Variants in CA10 observed in about 807,000 individuals in gnomAD.
CA10 encodes the protein carbonic anhydrase-related protein 10.
CA10 carries 14 observed loss-of-function variants against 44.2 expected under a neutral mutation model. The ratio of observed to expected loss-of-function variants is 0.32; its 90% confidence interval spans 0.21 to 0.50. CA10 has a LOEUF of 0.50. Among genes scored for constraint, CA10 ranks in the 20% least tolerant of loss-of-function variants. CA10 has a pLI of 0.99. For missense variants in CA10, 350 were observed against 409.7 expected (o/e 0.85, Z 1.26); for synonymous variants, 159 against 141.6 (o/e 1.12, Z -0.87).
At chr17:52,086,801 G>A (rs1431391369) in intron 1 of CA10, among the ~76,000 whole-genome samples, 2 of 151,880 alleles carry the variant, frequency 1.3e-5, no homozygotes, top group African/African-American at 2.4e-5. Flanking sequence ...TATAAAATGG[G>A]GTCTCAAAGA....
chr17:52,048,569 A>G (rs1430170974), intron 2 of CA10, among the ~76,000 whole-genome samples: 3 of 152,024 alleles, frequency 2.0e-5, no homozygotes, highest in African/African-American at 4.8e-5. Flanking sequence ...AACATCAAGG[A>G]GCCATGAAAG....
Position 51,731,302 on chromosome 17 carries a change from G to C in CA10, c.465+16331C>G, listed in dbSNP as rs1332643758. ...TGAGGCAGGAGAATCACTTGAACCCGGGAGGTGGAGGTTGCAGTGAGCCGA... is the reference window on the plus strand; with the variant it reads ...TGAGGCAGGAGAATCACTTGAACCCCGGAGGTGGAGGTTGCAGTGAGCCGA... On this transcript the variant is annotated intron_variant, in intron 4 of 8. Transcript: ENST00000451037. 6.6e-5 allele frequency among the ~76,000 whole-genome samples: 10 copies of C among 152,160 alleles called. No individual in the cohort carries two copies. In the East Asian group the frequency reaches 1.9e-3, roughly 29 times the overall value.
chr17:51,689,390 T>G (rs1368073286), intron 4 of CA10, among the ~76,000 whole-genome samples: 1 of 152,194 alleles, frequency 6.6e-6, no homozygotes, highest in Non-Finnish European at 1.5e-5. Flanking sequence ...AGGGCCATTC[T>G]TTTTTCATGG....
chr17:51,954,292 T>C (rs1983586817), intron 2 of CA10, among the ~76,000 whole-genome samples: 1 of 152,156 alleles, frequency 6.6e-6, no homozygotes, highest in South Asian at 2.1e-4. Context: ...AAACTAAACA[T>C]TAAAAAAGTT....
intron 4 of CA10, among the ~76,000 whole-genome samples, chr17:51,722,504 G>A (rs1424552891): frequency 6.6e-6 from 1 of 152,226 alleles, no homozygotes; most frequent in Non-Finnish European, 1.5e-5. Flanking sequence ...AAATGAGAAA[G>A]AGGGATATAT....
At chr17:51,782,152 C>G (rs1418822854) in intron 3 of CA10, among the ~76,000 whole-genome samples, 1 of 152,178 alleles carries the variant, frequency 6.6e-6, no homozygotes, top group Non-Finnish European at 1.5e-5. Context: ...TACTCAGAGA[C>G]TTAATTTGAA....
In CA10 at chr17:52,081,616, C is replaced by T. The variant is rs558693501; in HGVS notation, c.62-9223G>A. Reference sequence around the variant, plus strand: ...GAGATCGAGACCATCCCGGCTAAAACGGTGAAACCCCGTCTCTACTAAAAA... The same window carrying T: ...GAGATCGAGACCATCCCGGCTAAAATGGTGAAACCCCGTCTCTACTAAAAA... On this transcript the variant is annotated intron_variant, in intron 1 of 8. Coordinates refer to ENST00000451037, the MANE Select transcript of CA10 (RefSeq NM_020178.5). 6.9e-4 allele frequency among the ~76,000 whole-genome samples: 104 copies of T among 151,812 alleles called. No homozygotes were observed. In the Middle Eastern group the frequency reaches 0.017, roughly 25 times the overall value.
At chr17:52,139,426 C>G (rs1459320171) in intron 1 of CA10, among the ~76,000 whole-genome samples, 3 of 150,412 alleles carry the variant, frequency 2.0e-5, no homozygotes, top group Non-Finnish European at 4.4e-5. Context: ...ATGGCTCTTA[C>G]TTTATCCATC....
chr17:51,971,122 C>A (rs904034061), intron 2 of CA10, among the ~76,000 whole-genome samples: 46 of 152,034 alleles, frequency 3.0e-4, no homozygotes, highest in African/African-American at 1.1e-3. Context: ...AGCTAAAGAT[C>A]TACAGCTGTT....
At chr17:52,156,995 C>T (rs1989816841) in intron 1 of CA10, among the ~76,000 whole-genome samples, 1 of 152,174 alleles carries the variant, frequency 6.6e-6, no homozygotes, top group Non-Finnish European at 1.5e-5. Context: ...ACAAGCCCAA[C>T]CTCTTTCACC....
At chr17:51,988,679 G>C (rs554528611) in intron 2 of CA10, among the ~76,000 whole-genome samples, 72 of 151,864 alleles carry the variant, frequency 4.7e-4, no homozygotes, top group Middle Eastern at 6.8e-3. Context: ...CTTTCTACTA[G>C]TGTCAGGTTC....
chr17:51,644,159 T>C (rs1913221274), intron 6 of CA10, among the ~76,000 whole-genome samples: 1 of 130,320 alleles, frequency 7.7e-6, no homozygotes, highest in African/African-American at 2.8e-5. Flanking sequence ...AGAATGATTT[T>C]GCACAGTTCC....
Position 51,903,818 on chromosome 17 carries a change from A to T in CA10, c.279+27172T>A, listed in dbSNP as rs111313905. ...CTGGCAGGCAGAGAATTCTTAGAAC[A>T]CAAAGAAAGAGAATAAGGTAGTAAG... On this transcript the variant is annotated intron_variant, in intron 3 of 8. Transcript: ENST00000451037. Among the ~76,000 whole-genome samples, 783 of 152,274 alleles carry T rather than the reference A, an allele frequency of 5.1e-3. 10 individuals carry two copies. Among genetic ancestry groups the T allele is most frequent in the African/African-American group, 0.018 (759 of 41,564 alleles).
chr17:52,101,413 C>G (rs994643960), intron 1 of CA10, among the ~76,000 whole-genome samples: 6 of 152,118 alleles, frequency 3.9e-5, no homozygotes, highest in African/African-American at 1.4e-4. Flanking sequence ...GCCAGTATTC[C>G]AGTTAAAATC....
At chr17:52,000,128 C>G (rs1481585911) in intron 2 of CA10, among the ~76,000 whole-genome samples, 2 of 152,032 alleles carry the variant, frequency 1.3e-5, no homozygotes, top group Non-Finnish European at 2.9e-5. Context: ...GCTAAATTAA[C>G]AGGTGATGCT....
At chr17:51,650,528 G>A (rs1913527745) in intron 5 of CA10, among the ~76,000 whole-genome samples, 1 of 152,182 alleles carries the variant, frequency 6.6e-6, no homozygotes, top group South Asian at 2.1e-4. Flanking sequence ...CTTGGTGAGT[G>A]ACAATGCCCA....
intron 3 of CA10, among the ~76,000 whole-genome samples, chr17:51,816,704 C>G (rs1907575284): frequency 6.6e-6 from 1 of 152,176 alleles, no homozygotes; most frequent in African/African-American, 2.4e-5. Flanking sequence ...ATTGGAGCAG[C>G]TGAAAGATCT....
chr17:51,994,633 G>C (rs1985164720), intron 2 of CA10, among the ~76,000 whole-genome samples: 1 of 122,180 alleles, frequency 8.2e-6, no homozygotes. Flanking sequence ...ATCTGGACTT[G>C]AGTATCTGAT....
intron 3 of CA10, among the ~76,000 whole-genome samples, chr17:51,880,824 GAAGA>G (rs1343545493): frequency 6.6e-6 from 1 of 152,062 alleles, no homozygotes; most frequent in African/African-American, 2.4e-5. Flanking sequence ...ATTGATAGAT[GAAGA>G]AAGAAACTAA....
Sources: allele counts gnomAD v4.1 joint callset (sites outside exome capture counted in the v4.1 genomes callset), GRCh38; gene constraint gnomAD v4.1.1; transcripts MANE v1.5; gene names NCBI Gene and HGNC (gene_info 2026-07-23, HGNC 2026-07-21).